MED16: variants seen among roughly 807,000 people sequenced by gnomAD.
MED16 encodes mediator of RNA polymerase II transcription subunit 16.
MED16 carries 81 observed loss-of-function variants against 84.4 expected under a neutral mutation model. The observed-to-expected ratio is 0.96, with a 90% CI of 0.80 to 1.15. MED16 has a LOEUF of 1.15. Among genes scored for constraint, MED16 ranks in the 50% most tolerant of loss-of-function variants. MED16 has a pLI of 0.00. For missense variants in MED16, 1,585 were observed against 1,245.9 expected (o/e 1.27, Z -4.10); for synonymous variants, 897 against 552.2 (o/e 1.62, Z -8.76).
rs147510499 is a variant in MED16, at chr19:868,108, C to G, written c.2627G>C (p.Arg876Pro). ...CGCCTGGACCCCCGGCCGTCACGGA[C>G]GGTCCTCTGGATGCAGATGGTCCAG... The part of the protein sequence containing the change: ...RSLDHLHPED[R>P]P Residue 876 changes from arginine (R) to proline (P), a missense_variant, in exon 16 of 16, where the codon CGT becomes CCT. Transcript: ENST00000325464. The G allele has an allele frequency of 9.3e-3, 14,991 of 1,607,808 alleles. 93 individuals are homozygous for G. Among genetic ancestry groups the G allele is most frequent in the Middle Eastern group, 0.013 (76 of 5,794 alleles).
At position 872,181 on chromosome 19, in the gene MED16, G is replaced by C. The variant is rs552157806; in HGVS notation, c.1906-63C>G. ...GGGGCAGATGGCGATGGGATGAAGT[G>C]TCTTGGGGTCGGTGGAACCCCGACC... On this transcript the variant is annotated intron_variant, in intron 11 of 15. Transcript: ENST00000325464. 7.6e-6 allele frequency: 11 copies of C among 1,454,140 alleles called. No homozygotes were observed. The Middle Eastern group carries it at 5.5e-4, about 73-fold the overall frequency. 90.1% of individuals were successfully genotyped at this position (1,454,140 alleles called of 1,614,324 possible). A position where few individuals can be genotyped will look rare whatever the true frequency, so the allele number is the denominator to read the frequency against.
intron 13 of MED16, among the ~76,000 whole-genome samples, chr19:870,114 G>A (rs765189274): frequency 4.5e-4 from 68 of 152,230 alleles, no homozygotes; most frequent in South Asian, 4.1e-4. Flanking sequence ...CTGATGAGGT[G>A]TCTGCTCAGC....
chr19:887,117 C>T (rs79931316), intron 4 of MED16, among the ~76,000 whole-genome samples: 2,719 of 151,752 alleles, frequency 0.018, 72 homozygotes, highest in African/African-American at 0.061. Flanking sequence ...AATGTCTCTA[C>T]GTTGTGAAAA....
intron 10 of MED16, among the ~76,000 whole-genome samples, chr19:874,898 T>C (rs2036192180): frequency 2.6e-5 from 4 of 152,018 alleles, no homozygotes; most frequent in Admixed American, 2.0e-4. Context: ...AATCCCAGCC[T>C]TTAGGCTATA....
chr19:875,346 T>A lies in MED16; in HGVS notation c.1669A>T (p.Ser557Cys), dbSNP rs963711771. The A allele has an allele frequency of 6.2e-7, 1 of 1,610,112 alleles. No homozygotes were observed. The highest frequency in any genetic ancestry group is 1.7e-5 in the Admixed American group (1 of 59,976). ...CGCAGCAGCGACTTCAGGGTGGAGC[T>A]GATGGCGATGAGGAAGAGCTTGGTG... ...YHTKLFLIAISSTLKSLLRPH... is the reference protein window; with the variant it reads ...YHTKLFLIAICSTLKSLLRPH... Residue 557 changes from serine (S) to cysteine (C), a missense_variant, in exon 10 of 16, where the codon AGC becomes TGC. Coordinates refer to ENST00000325464, the MANE Select transcript of MED16 (RefSeq NM_005481.3).
At position 868,081 on chromosome 19, in the gene MED16, T is replaced by C; in HGVS notation, c.*20A>G. 1 of 1,592,364 alleles carries C rather than the reference T, an allele frequency of 6.3e-7. No homozygotes were observed. The highest frequency in any genetic ancestry group is 8.5e-7 in the Non-Finnish European group (1 of 1,172,852). On this transcript the variant is annotated 3_prime_UTR_variant, in exon 16 of 16. Transcript: ENST00000325464. ...ACGCCCGAGCCGGGTCACCACAAGG[T>C]CCGCCTGGACCCCCGGCCGTCACGG...
At chr19:880,492 A>G (rs1046257206) in intron 7 of MED16, among the ~76,000 whole-genome samples, 13 of 152,130 alleles carry the variant, frequency 8.5e-5, no homozygotes, top group African/African-American at 3.1e-4. Flanking sequence ...GGCGTCCCAA[A>G]GAGAGGCATC....
chr19:868,940 TG>T lies in MED16; in HGVS notation c.2321del (p.Pro774GlnfsTer43), dbSNP rs1192556483. 2 of 1,539,220 alleles carry T rather than the reference TG, an allele frequency of 1.3e-6. No homozygotes were observed. The highest frequency in any genetic ancestry group is 8.7e-7 in the Non-Finnish European group (1 of 1,149,640). On this transcript the variant is annotated frameshift_variant, in exon 14 of 16. Transcript: ENST00000325464. LOFTEE classifies it high-confidence loss of function. ...GCAGGTGGTCGATCTTGGGCTGGCCTGGGGCCCTGGCGGGAGAGGGGAGAAC... is the reference window on the plus strand; with the variant it reads ...GCAGGTGGTCGATCTTGGGCTGGCCTGGGCCCTGGCGGGAGAGGGGAGAAC... ...TLQLDGLARA[P>X]GQPKIDHLRR...
chr19:884,982 G>A lies in MED16; in HGVS notation c.906C>T (p.Thr302=), dbSNP rs949950869. Residue 302 remains threonine (T), a synonymous_variant, in exon 6 of 16, where the codon ACC becomes ACT. Transcript: ENST00000325464. ...GGGACCAGCACTCCACGATGCTGCT[G>A]GTCTGGCTGGACGCGCACAAAAGCA... is the stretch of plus-strand genomic sequence containing the variant. ...EQVLLCASSQ[T]SSIVECWSLR... is the part of the protein sequence containing the mutation. 15 of 1,606,184 alleles carry A rather than the reference G, an allele frequency of 9.3e-6. No homozygotes were observed. The highest frequency in any genetic ancestry group is 1.3e-5 in the Non-Finnish European group (15 of 1,178,452).
rs755456033 is a variant in MED16 at position 879,963 on chromosome 19, G to C, written c.1327C>G (p.Leu443Val). 3.1e-6 allele frequency: 5 copies of C among 1,605,164 alleles called. No individual in the cohort carries two copies. In the Admixed American group the frequency reaches 8.5e-5, roughly 27 times the overall value. Residue 443 changes from leucine (L) to valine (V), a missense_variant, in exon 8 of 16, where the codon CTG becomes GTG. By Grantham distance (32) the Leu-to-Val change is conservative. Transcript: ENST00000325464. ...TTCCCGTGGCTGTCAATCCCCACCA[G>C]GGCCAGTGACGTCCACGATAGCTGC... The part of the protein sequence containing the change: ...AMQLSWTSLA[L>V]VGIDSHGKLS...
At position 881,576 on chromosome 19, in the gene MED16, T is replaced by C; in HGVS notation, c.1124A>G (p.Gln375Arg). The C allele has an allele frequency of 1.9e-6, 3 of 1,612,278 alleles. No individual in the cohort carries two copies. Among genetic ancestry groups the C allele is most frequent in the Admixed American group, 1.7e-5 (1 of 59,994 alleles). Reference sequence around the variant, plus strand: ...CACCGTACCGAGGCCAGGGTAGAACTGTGTGTCGCTGGCCACCTTGAGGTC... The same window carrying C: ...CACCGTACCGAGGCCAGGGTAGAACCGTGTGTCGCTGGCCACCTTGAGGTC... Reference protein sequence around the residue: ...NTDLKVASDTQFYPGLGLALA... With the variant: ...NTDLKVASDTRFYPGLGLALA... Residue 375 changes from glutamine (Q) to arginine (R), a missense_variant, in exon 7 of 16, where the codon CAG becomes CGG. Physicochemically the swap from Gln to Arg is conservative, Grantham distance 43. Transcript: ENST00000325464.
intron 4 of MED16, among the ~76,000 whole-genome samples, chr19:887,875 C>T (rs1039125265): frequency 4.6e-5 from 7 of 151,726 alleles, no homozygotes; most frequent in Non-Finnish European, 8.8e-5. Context: ...CAGGGTGATG[C>T]AGGATGGGGA....
chr19:890,764 C>T (rs1330405934), intron 2 of MED16, among the ~76,000 whole-genome samples, 199 bp downstream of exon 2: 2 of 152,226 alleles, frequency 1.3e-5, no homozygotes, highest in Non-Finnish European at 2.9e-5. Context: ...TGTCTCCTGG[C>T]ACCAGGTTTG....
At chr19:887,406 G>A (rs578155300) in intron 4 of MED16, among the ~76,000 whole-genome samples, 38 of 152,236 alleles carry the variant, frequency 2.5e-4, no homozygotes, top group East Asian at 5.8e-4. Flanking sequence ...GGTGGCTCAC[G>A]CCTGTAATCT....
chr19:888,206 AAAAC>A lies in MED16; in HGVS notation c.447+1428_447+1431del, dbSNP rs369283862. ...GCAACAGAGCAAGACCCTGTCTCAA[AAAAC>A]AAACAAACAAACAAAAAAGATAAAG... is the stretch of plus-strand genomic sequence containing the variant. On this transcript the variant is annotated intron_variant, in intron 4 of 15. Transcript: ENST00000325464. 3.1e-3 allele frequency among the ~76,000 whole-genome samples: 462 copies of A among 151,168 alleles called. 3 individuals are homozygous for A. The highest frequency in any genetic ancestry group is 6.7e-3 in the African/African-American group (276 of 41,088).
At chr19:868,297 G>T (rs774256404) in intron 15 of MED16, 46 bp from the exon 16 acceptor site, 1 of 1,587,316 alleles carries the variant, frequency 6.3e-7, no homozygotes, top group South Asian at 1.1e-5. Flanking sequence ...AGTCCAGGGC[G>T]AGCGGTGGCT....
rs994237986 is a variant in MED16, at chr19:877,187, G to A, written c.1354-7C>T. ...AGAGGCGGAGCACGCTCAGCTGCCA[G>A]AGACAGAGCCCAAGGAGAGCCCGGT... On this transcript the variant is annotated splice_region_variant and splice_polypyrimidine_tract_variant and intron_variant, in intron 8 of 15. Coordinates refer to ENST00000325464, the MANE Select transcript of MED16 (RefSeq NM_005481.3). 5 of 1,604,234 alleles carry A rather than the reference G, an allele frequency of 3.1e-6. No individual in the cohort carries two copies. The African/African-American group carries it at 5.3e-5, about 17-fold the overall frequency.
chr19:871,474 TGAG>T, intron 12 of MED16: 1 of 1,451,596 alleles, frequency 6.9e-7, no homozygotes, highest in Non-Finnish European at 9.2e-7. Flanking sequence ...TGGCCTGTCA[TGAG>T]ACTCCCTCAT....
intron 6 of MED16, among the ~76,000 whole-genome samples, chr19:884,671 G>A (rs1280342202): frequency 1.3e-5 from 2 of 152,178 alleles, no homozygotes; most frequent in Non-Finnish European, 2.9e-5. Flanking sequence ...GGTGGCAGCC[G>A]CCGCAGCGGG....
Sources: allele counts gnomAD v4.1 joint callset (sites outside exome capture counted in the v4.1 genomes callset), GRCh38; gene constraint gnomAD v4.1.1; transcripts MANE v1.5; gene names NCBI Gene and HGNC (gene_info 2026-07-23, HGNC 2026-07-21).